Variants in SYNGR1 observed in about 807,000 individuals in gnomAD.
SYNGR1 encodes the protein synaptogyrin-1.
In SYNGR1, 14 loss-of-function variants were observed where a neutral mutation model predicts 26.1. The ratio of observed to expected loss-of-function variants is 0.54; its 90% CI spans 0.35 to 0.84. The LOEUF (loss-of-function observed/expected upper bound fraction) is 0.84, where lower values mean the gene tolerates loss of function less well. SYNGR1 is among the 40% of genes least tolerant of loss of function. The probability of loss-of-function intolerance (pLI) is 0.01; values close to 1 mark genes in which losing one functional copy is unlikely to be tolerated. For missense variants in SYNGR1, 319 were observed against 332.9 expected (o/e 0.96, Z 0.33); for synonymous variants, 141 against 150.1 (o/e 0.94, Z 0.44).
chr22:39,358,078 C>T (rs1028922871), intron 1 of SYNGR1, among the ~76,000 whole-genome samples: 2 of 152,148 alleles, frequency 1.3e-5, no homozygotes, highest in African/African-American at 4.8e-5. Flanking sequence ...CTGGTGGGGA[C>T]GTGGAGAGTC....
chr22:39,355,032 A>G (rs1262816564), intron 1 of SYNGR1, among the ~76,000 whole-genome samples: 2 of 152,132 alleles, frequency 1.3e-5, no homozygotes, highest in Non-Finnish European at 2.9e-5. Flanking sequence ...TCATTTGTTC[A>G]TTCCACAAGT....
At chr22:39,371,921 G>GT (rs1925039930) in intron 1 of SYNGR1, among the ~76,000 whole-genome samples, 1 of 152,186 alleles carries the variant, frequency 6.6e-6, no homozygotes, top group Admixed American at 6.5e-5. Flanking sequence ...GGTGCAGGAT[G>GT]TATTGGCAAG....
At chr22:39,377,199 G>A (rs747769780) in intron 3 of SYNGR1, 7 of 1,439,724 alleles carry the variant, frequency 4.9e-6, no homozygotes, top group South Asian at 1.5e-5. Context: ...CCGGGTTGAC[G>A]TCTTTTTCTT....
At chr22:39,370,694 G>T (rs144437620) in intron 1 of SYNGR1, among the ~76,000 whole-genome samples, 10,183 of 148,442 alleles carry the variant, frequency 0.069, 987 homozygotes, top group African/African-American at 0.22. Context: ...CTCAGCTCAC[G>T]GCAACCTCCA....
chr22:39,375,643 T>C (rs1925244011), intron 2 of SYNGR1: 2 of 513,190 alleles, frequency 3.9e-6, no homozygotes, highest in Non-Finnish European at 6.9e-6. Flanking sequence ...GCCTGCAGAG[T>C]TGCAGGCATC....
intron 1 of SYNGR1, among the ~76,000 whole-genome samples, chr22:39,355,310 C>T (rs62228431): frequency 3.9e-5 from 6 of 152,202 alleles, no homozygotes; most frequent in Non-Finnish European, 8.8e-5. Context: ...GCTGGAAATG[C>T]GTGGTCACGT....
At chr22:39,377,699 G>A (rs771717802) in intron 3 of SYNGR1, 42 of 1,612,716 alleles carry the variant, frequency 2.6e-5, no homozygotes, top group Non-Finnish European at 3.4e-5. Context: ...AGGCCTCCCC[G>A]GCTTGCAGAG....
rs920053917 is a variant in SYNGR1, at chr22:39,383,480, T to A, written c.*1566T>A. 7.2e-5 allele frequency: 11 copies of A among 152,506 alleles called. No individual in the cohort carries two copies. The highest frequency in any genetic ancestry group is 2.7e-4 in the African/African-American group (11 of 41,442). 9.4% of individuals were successfully genotyped at this position (152,506 alleles called of 1,614,324 possible). A position where few individuals can be genotyped will look rare whatever the true frequency, so the allele number is the denominator to read the frequency against. ...TTCTTGCACAAGGTGGGCTCTTCAC[T>A]GAGCCATAAGGGACAGGGAGGTATG... is the stretch of plus-strand genomic sequence containing the variant. On this transcript the variant is annotated 3_prime_UTR_variant, in exon 4 of 4. Transcript: ENST00000328933.
At chr22:39,364,953 G>T (rs949929702) in intron 1 of SYNGR1, among the ~76,000 whole-genome samples, 4 of 152,110 alleles carry the variant, frequency 2.6e-5, no homozygotes, top group African/African-American at 9.7e-5. Flanking sequence ...GGATTTTAAA[G>T]AGGGCGGAAA....
At chr22:39,373,935 G>A (rs1925147968) in intron 1 of SYNGR1, among the ~76,000 whole-genome samples, 1 of 152,212 alleles carries the variant, frequency 6.6e-6, no homozygotes, top group African/African-American at 2.4e-5. Context: ...CTGGGGGTGG[G>A]GGCTGGGCAG....
At chr22:39,377,019 C>G in intron 3 of SYNGR1, 9 of 1,550,920 alleles carry the variant, frequency 5.8e-6, no homozygotes, top group Non-Finnish European at 7.8e-6. Flanking sequence ...CTGCAGAGAT[C>G]TGGGGCCACA....
intron 1 of SYNGR1, among the ~76,000 whole-genome samples, chr22:39,365,983 C>T (rs1406671356): frequency 2.3e-5 from 2 of 88,542 alleles, no homozygotes; most frequent in African/African-American, 3.3e-5. Flanking sequence ...CGCGCTCAGC[C>T]CCTTCTTTTT....
chr22:39,356,609 G>A (rs1391431937), intron 1 of SYNGR1, among the ~76,000 whole-genome samples: 1 of 152,158 alleles, frequency 6.6e-6, no homozygotes, highest in Non-Finnish European at 1.5e-5. Context: ...GGAGAAGCCA[G>A]GAGGAGGAGG....
At chr22:39,375,238 A>T (rs1054375691) in intron 2 of SYNGR1, 2 of 156,582 alleles carry the variant, frequency 1.3e-5, no homozygotes, top group African/African-American at 4.8e-5. Context: ...AAGGCAGGTC[A>T]TGAGGTCTAG....
intron 2 of SYNGR1, chr22:39,375,738 T>G: frequency 3.4e-6 from 2 of 596,874 alleles, no homozygotes; most frequent in East Asian, 2.8e-5. Context: ...CCTGAGTTGA[T>G]TACCTTCTTT....
At position 39,384,403 on chromosome 22, in the gene SYNGR1, C is replaced by T. The variant is rs553208529; in HGVS notation, c.*2489C>T. On this transcript the variant is annotated 3_prime_UTR_variant, in exon 4 of 4. Coordinates refer to ENST00000328933, the MANE Select transcript of SYNGR1 (RefSeq NM_004711.5). ...GAATGGGGGGTGCTGAGTCATCTCACGAAGAATCCCTCACTCTTCCCGGGT... is the reference window on the plus strand; with the variant it reads ...GAATGGGGGGTGCTGAGTCATCTCATGAAGAATCCCTCACTCTTCCCGGGT... 7.5e-6 allele frequency: 3 copies of T among 397,792 alleles called. No individual in the cohort carries two copies. Among genetic ancestry groups the T allele is most frequent in the South Asian group, 1.4e-4 (1 of 7,036 alleles). 24.6% of individuals were successfully genotyped at this position (397,792 alleles called of 1,614,324 possible).
chr22:39,376,000 C>T (rs753393443), intron 2 of SYNGR1, 52 bp from the exon 3 acceptor site: 5 of 1,612,610 alleles, frequency 3.1e-6, no homozygotes, highest in Admixed American at 3.3e-5. Flanking sequence ...CCCACTCACC[C>T]TCTCCCCCAT....
At chr22:39,370,543 T>C (rs1444938289) in intron 1 of SYNGR1, among the ~76,000 whole-genome samples, 2 of 152,144 alleles carry the variant, frequency 1.3e-5, no homozygotes, top group Non-Finnish European at 2.9e-5. Flanking sequence ...GTACCACACT[T>C]TGTGTCCCCA....
At chr22:39,365,645 G>C (rs1714272416) in intron 1 of SYNGR1, among the ~76,000 whole-genome samples, 1 of 134,330 alleles carries the variant, frequency 7.4e-6, no homozygotes, top group African/African-American at 4.0e-5. Flanking sequence ...CAGCCCTGCA[G>C]GGGGTTCAGG....
Sources: allele counts gnomAD v4.1 joint callset (sites outside exome capture counted in the v4.1 genomes callset), GRCh38; gene constraint gnomAD v4.1.1; transcripts MANE v1.5; gene names NCBI Gene and HGNC (gene_info 2026-07-23, HGNC 2026-07-21).